Variants in ANO5 observed in about 807,000 individuals in gnomAD.
ANO5 encodes the protein anoctamin-5.
In ANO5, 109 loss-of-function variants were observed where a neutral mutation model predicts 121.0. The observed-to-expected ratio is 0.90, with a 90% confidence interval of 0.77 to 1.06. The LOEUF is 1.06. Among genes scored for constraint, ANO5 ranks in the 50% least tolerant of loss-of-function variants. The probability of loss-of-function intolerance (pLI) is 0.00; values close to 1 mark genes in which losing one functional copy is unlikely to be tolerated. For synonymous variants in ANO5, 406 were observed against 359.9 expected (o/e 1.13, Z -1.45); for missense variants, 1,064 against 1,078.5 (o/e 0.99, Z 0.19).
chr11:22,279,612 G>A lies in ANO5; in HGVS notation c.2589G>A (p.Glu863=), dbSNP rs769127426. The change falls in exon 22 of 22, where the codon GAG becomes GAA. Residue 863 remains glutamate, a synonymous_variant. Coordinates refer to ENST00000324559, the MANE Select transcript of ANO5 (RefSeq NM_213599.3). ...MIPDVPKDVV[E]RIKREKLMTI... ...CTGATGTTCCAAAAGATGTTGTGGA[G>A]AGAATCAAGAGAGAAAAGTTAATGA... 3.7e-6 allele frequency: 6 copies of A among 1,613,030 alleles called. No homozygotes were observed. In the Admixed American group the frequency reaches 5.0e-5, roughly 13 times the overall value.
intron 18 of ANO5, among the ~76,000 whole-genome samples, chr11:22,272,328 A>ACACACG (rs2064183517): frequency 6.6e-6 from 1 of 150,776 alleles, no homozygotes; most frequent in African/African-American, 2.5e-5. Context: ...ACACACACAC[A>ACACACG]CACACACACA....
At chr11:22,215,637 C>CA (rs1219747205) in intron 3 of ANO5, among the ~76,000 whole-genome samples, 1 of 151,930 alleles carries the variant, frequency 6.6e-6, no homozygotes, top group Non-Finnish European at 1.5e-5. Flanking sequence ...ATCTCAACAA[C>CA]ATGCATTATA....
intron 2 of ANO5, among the ~76,000 whole-genome samples, chr11:22,210,201 C>T (rs953611271): frequency 1.3e-5 from 2 of 151,910 alleles, no homozygotes; most frequent in Non-Finnish European, 2.9e-5. Context: ...TTCAGTATTA[C>T]TTTAGTACAA....
intron 17 of ANO5, among the ~76,000 whole-genome samples, chr11:22,267,682 G>T (rs1000131586): frequency 6.6e-6 from 1 of 151,964 alleles, no homozygotes; most frequent in East Asian, 1.9e-4. Flanking sequence ...CTTGTGTCAT[G>T]GGGGTTTGTT....
At chr11:22,210,921 A>C (rs998054743) in intron 2 of ANO5, among the ~76,000 whole-genome samples, 7 of 151,876 alleles carry the variant, frequency 4.6e-5, no homozygotes, top group African/African-American at 1.7e-4. Flanking sequence ...GTTATTTCTC[A>C]GTAATGTAGT....
At chr11:22,270,808 C>T (rs1240445976) in intron 18 of ANO5, among the ~76,000 whole-genome samples, 1 of 152,110 alleles carries the variant, frequency 6.6e-6, no homozygotes, top group African/African-American at 2.4e-5. Flanking sequence ...AATAAGTAGC[C>T]TGGAAAACAT....
intron 9 of ANO5, among the ~76,000 whole-genome samples, chr11:22,246,980 G>A (rs1221822903): frequency 1.3e-5 from 2 of 151,608 alleles, no homozygotes; most frequent in Non-Finnish European, 2.9e-5. Context: ...GCAAGGTACT[G>A]TGCCTACAAA....
At chr11:22,203,931 AT>A in intron 2 of ANO5, 81 bp downstream of exon 2, 1 of 933,524 alleles carries the variant, frequency 1.1e-6, no homozygotes, top group Non-Finnish European at 1.7e-6. Flanking sequence ...CTTTGTACTT[AT>A]TTACTTATAA....
chr11:22,215,021 A>G (rs1852394931), intron 3 of ANO5, among the ~76,000 whole-genome samples: 1 of 152,018 alleles, frequency 6.6e-6, no homozygotes, highest in Admixed American at 6.6e-5. Flanking sequence ...CCACTAAATG[A>G]AATACAGAAA....
chr11:22,240,324 A>T (rs1334831609), intron 9 of ANO5, among the ~76,000 whole-genome samples: 4 of 151,872 alleles, frequency 2.6e-5, no homozygotes, highest in African/African-American at 7.3e-5. Context: ...ATATTAGGAG[A>T]CATATGATTT....
rs1564957944 is a variant in ANO5 at position 22,280,646 on chromosome 11, T to C, written c.*881T>C. Reference sequence around the variant, plus strand: ...ATTATTTCTTAAAAATCACTTTTCTTCTGGAATGCCAATTTCACATCATGA... The same window carrying C: ...ATTATTTCTTAAAAATCACTTTTCTCCTGGAATGCCAATTTCACATCATGA... On this transcript the variant is annotated 3_prime_UTR_variant, in exon 22 of 22. Transcript: ENST00000324559. 6.6e-6 allele frequency: 1 copy of C among 151,986 alleles called. No individual in the cohort carries two copies. The allele number at this position is 151,986 out of a possible 1,614,324, so 9.4% of individuals were successfully genotyped here. A position where few individuals can be genotyped will look rare whatever the true frequency, so the allele number is the denominator to read the frequency against.
At chr11:22,277,816 C>G (rs887999173) in intron 21 of ANO5, 2 of 151,400 alleles carry the variant, frequency 1.3e-5, no homozygotes, top group Non-Finnish European at 3.0e-5. Flanking sequence ...TGGGACTTCT[C>G]TTCATCTTGT....
chr11:22,215,927 G>T (rs1383328905), intron 3 of ANO5, among the ~76,000 whole-genome samples: 3 of 151,608 alleles, frequency 2.0e-5, no homozygotes, highest in South Asian at 4.2e-4. Context: ...TGCTGCTTTT[G>T]CTCGTCACAA....
rs555439713 is a variant in ANO5 at position 22,211,334 on chromosome 11, A to G, written c.138+20A>G. 17 of 1,609,900 alleles carry G rather than the reference A, an allele frequency of 1.1e-5. No individual in the cohort carries two copies. Among genetic ancestry groups the G allele is most frequent in the Non-Finnish European group, 1.3e-5 (15 of 1,176,856 alleles). ...ACAATGGTAAGCAGCGACCAGTACT[A>G]TCCTTTCTTGCATGGACACAAATGG... On this transcript the variant is annotated intron_variant, in intron 3 of 21. Transcript: ENST00000324559.
At chr11:22,199,457 AAGG>A (rs1398293256) in intron 1 of ANO5, among the ~76,000 whole-genome samples, 3 of 152,160 alleles carry the variant, frequency 2.0e-5, no homozygotes, top group East Asian at 1.9e-4. Context: ...ATTAGCAAAG[AAGG>A]AGGAGGAGGA....
intron 2 of ANO5, among the ~76,000 whole-genome samples, chr11:22,207,200 A>G (rs1380738710): frequency 6.6e-6 from 1 of 152,108 alleles, no homozygotes; most frequent in East Asian, 1.9e-4. Flanking sequence ...TTATTCAGAA[A>G]ATTTTATGGA....
intron 21 of ANO5, among the ~76,000 whole-genome samples, chr11:22,279,254 A>C (rs1387818763): frequency 6.6e-6 from 1 of 151,880 alleles, no homozygotes; most frequent in African/African-American, 2.4e-5. Context: ...TTTTGAGTCT[A>C]ATTCCTTTAT....
chr11:22,206,230 A>T (rs1852117298), intron 2 of ANO5, among the ~76,000 whole-genome samples: 1 of 152,168 alleles, frequency 6.6e-6, no homozygotes, highest in African/African-American at 2.4e-5. Flanking sequence ...TTAGTAAAAT[A>T]TTAGCAAATA....
At chr11:22,266,761 T>C (rs919204339) in intron 17 of ANO5, among the ~76,000 whole-genome samples, 1 of 152,194 alleles carries the variant, frequency 6.6e-6, no homozygotes, top group Non-Finnish European at 1.5e-5. Context: ...GGTCACAGTT[T>C]CACAACCACA....
Sources: allele counts gnomAD v4.1 joint callset (sites outside exome capture counted in the v4.1 genomes callset), GRCh38; gene constraint gnomAD v4.1.1; transcripts MANE v1.5; gene names NCBI Gene and HGNC (gene_info 2026-07-23, HGNC 2026-07-21).